Variants in NDRG3 observed in about 807,000 individuals in gnomAD.
NDRG3 encodes protein NDRG3.
NDRG3 carries 23 observed loss-of-function variants against 57.2 expected under a neutral mutation model. The ratio of observed to expected loss-of-function variants is 0.40; its 90% CI spans 0.29 to 0.57. The LOEUF (loss-of-function observed/expected upper bound fraction) is 0.57. NDRG3 is among the 20% of genes least tolerant of loss of function. NDRG3 has a pLI of 0.42. For missense variants in NDRG3, 384 were observed against 457.3 expected (o/e 0.84, Z 1.46); for synonymous variants, 132 against 162.6 (o/e 0.81, Z 1.43).
intron 3 of NDRG3, among the ~76,000 whole-genome samples, chr20:36,705,330 AAAAAAAGAAAAG>A (rs1317187723): frequency 6.6e-6 from 1 of 150,946 alleles, no homozygotes; most frequent in African/African-American, 2.4e-5. Context: ...TCAAAAAAAA[AAAAAAAGAAAAG>A]AAAAGAAAAG....
At chr20:36,744,033 T>C (rs377761352) in intron 1 of NDRG3, among the ~76,000 whole-genome samples, 12 of 149,876 alleles carry the variant, frequency 8.0e-5, no homozygotes, top group African/African-American at 2.9e-4. Flanking sequence ...CCCGAGTAGC[T>C]GGGACTACAG....
intron 1 of NDRG3, among the ~76,000 whole-genome samples, chr20:36,734,206 C>CAAA (rs572585665): frequency 0.014 from 1,847 of 128,224 alleles, 45 homozygotes; most frequent in African/African-American, 0.05. Context: ...GACTCCGTCT[C>CAAA]AAAAAAAAAA....
intron 3 of NDRG3, among the ~76,000 whole-genome samples, chr20:36,697,560 T>A (rs1007336332): frequency 6.6e-6 from 1 of 152,044 alleles, no homozygotes; most frequent in South Asian, 2.1e-4. Flanking sequence ...ATACAAAAAT[T>A]AGCCAGGCGT....
At position 36,736,802 on chromosome 20, in the gene NDRG3, C is replaced by A. The variant is rs188085872; in HGVS notation, c.-49+9243G>T. 8.5e-5 allele frequency among the ~76,000 whole-genome samples: 13 copies of A among 152,200 alleles called. No homozygotes were observed. In the East Asian group the frequency reaches 2.1e-3, roughly 25 times the overall value. ...AAAGGAAAGTCTGGGTACCTCTTCG[C>A]CAGAAGAAATTCTCTCAGAGATGCT... On this transcript the variant is annotated intron_variant, in intron 1 of 15. Coordinates refer to ENST00000349004, the MANE Select transcript of NDRG3 (RefSeq NM_032013.4).
chr20:36,729,186 C>T (rs745730664), intron 1 of NDRG3, among the ~76,000 whole-genome samples: 7 of 152,176 alleles, frequency 4.6e-5, no homozygotes, highest in Non-Finnish European at 1.0e-4. Flanking sequence ...TACATACCAA[C>T]GACTCAGACA....
At position 36,680,879 on chromosome 20, in the gene NDRG3, T is replaced by C; in HGVS notation, c.468A>G (p.Glu156=). The part of the protein sequence containing the change: ...RFALNHPELV[E]GLVLINVDPC... Reference sequence around the variant, plus strand: ...GGTCAACATTAATGAGCACAAGGCCTTCCACAAGCTCTGGATGGTTGAGCT... The same window carrying C: ...GGTCAACATTAATGAGCACAAGGCCCTCCACAAGCTCTGGATGGTTGAGCT... The change falls in exon 8 of 16, where the codon GAA becomes GAG. Residue 156 remains glutamate, a synonymous_variant. Coordinates refer to ENST00000349004, the MANE Select transcript of NDRG3 (RefSeq NM_032013.4). 6.2e-7 allele frequency: 1 copy of C among 1,614,040 alleles called. No homozygotes were observed. The highest frequency in any genetic ancestry group is 8.5e-7 in the Non-Finnish European group (1 of 1,179,930).
chr20:36,665,970 C>G (rs1005183822), intron 10 of NDRG3, among the ~76,000 whole-genome samples: 2 of 152,082 alleles, frequency 1.3e-5, no homozygotes, highest in East Asian at 3.9e-4. Context: ...GGGGTGTTTT[C>G]CTTGTAACTG....
intron 4 of NDRG3, 43 bp from the exon 5 acceptor site, chr20:36,687,655 C>T (rs775321865): frequency 8.8e-6 from 14 of 1,588,694 alleles, no homozygotes; most frequent in Admixed American, 1.7e-5. Flanking sequence ...CTCTCCATAT[C>T]GCCCCAATTT....
intron 3 of NDRG3, among the ~76,000 whole-genome samples, chr20:36,689,909 A>T (rs924762924): frequency 6.6e-6 from 1 of 151,630 alleles, no homozygotes; most frequent in Non-Finnish European, 1.5e-5. Context: ...TTTAGTAGAG[A>T]CGGGGTTTCA....
chr20:36,674,595 CTTTT>C (rs561643631), intron 8 of NDRG3, among the ~76,000 whole-genome samples: 4 of 116,810 alleles, frequency 3.4e-5, no homozygotes, highest in African/African-American at 6.5e-5. Context: ...ATCAATAAAG[CTTTT>C]TTTTTTTTTT....
At chr20:36,716,051 T>C (rs1294508910) in intron 2 of NDRG3, among the ~76,000 whole-genome samples, 1 of 152,014 alleles carries the variant, frequency 6.6e-6, no homozygotes, top group East Asian at 1.9e-4. Flanking sequence ...GCCATGATTG[T>C]GCCACTGGAC....
intron 3 of NDRG3, among the ~76,000 whole-genome samples, chr20:36,692,548 G>A (rs567099464): frequency 2.0e-5 from 3 of 152,118 alleles, no homozygotes; most frequent in Non-Finnish European, 4.4e-5. Flanking sequence ...CTGTTGGTAA[G>A]GCATATAAAC....
At position 36,652,420 on chromosome 20, in the gene NDRG3, A is replaced by AG. The variant is rs1315442284; in HGVS notation, c.*1099_*1100insC. The stretch of plus-strand genomic sequence containing the variant: ...AGCGAGACTCTGTCTCAAAAAAAAA[A>AG]AAAGACTCTGAGAAATGGGTTCTGT... On this transcript the variant is annotated 3_prime_UTR_variant, in exon 16 of 16. Transcript: ENST00000349004. 1 of 152,118 alleles carries AG rather than the reference A, an allele frequency of 6.6e-6. No individual in the cohort carries two copies. Among genetic ancestry groups the AG allele is most frequent in the East Asian group, 1.9e-4 (1 of 5,194 alleles). 9.4% of individuals were successfully genotyped at this position (152,118 alleles called of 1,614,324 possible). A position where few individuals can be genotyped will look rare whatever the true frequency, so the allele number is the denominator to read the frequency against.
chr20:36,689,613 T>C (rs1400064102), intron 3 of NDRG3, among the ~76,000 whole-genome samples: 2 of 152,166 alleles, frequency 1.3e-5, no homozygotes, highest in Non-Finnish European at 2.9e-5. Flanking sequence ...GGGGTGGATC[T>C]TGGCTACCAT....
intron 2 of NDRG3, among the ~76,000 whole-genome samples, chr20:36,711,406 A>G (rs1232292132): frequency 6.6e-6 from 1 of 152,220 alleles, no homozygotes; most frequent in Non-Finnish European, 1.5e-5. Flanking sequence ...ATCTAACAGA[A>G]TTCCCAAAGG....
intron 8 of NDRG3, among the ~76,000 whole-genome samples, chr20:36,679,466 G>C (rs1374663671): frequency 6.6e-6 from 1 of 151,474 alleles, no homozygotes; most frequent in Non-Finnish European, 1.5e-5. Flanking sequence ...CACACAATAG[G>C]TTACTAAAGA....
chr20:36,679,540 G>A (rs576097789), intron 8 of NDRG3, among the ~76,000 whole-genome samples: 27 of 144,588 alleles, frequency 1.9e-4, no homozygotes, highest in African/African-American at 6.7e-4. Flanking sequence ...TTTCACTCTT[G>A]TCACCCAGGC....
chr20:36,727,173 C>T (rs1020713356), intron 1 of NDRG3, among the ~76,000 whole-genome samples: 1 of 152,184 alleles, frequency 6.6e-6, no homozygotes, highest in Non-Finnish European at 1.5e-5. Flanking sequence ...GCTTCAGTCT[C>T]CCAAAGTGCT....
rs1345067579 is a variant in NDRG3 at position 36,688,796 on chromosome 20, G to A, written c.94-12C>T. On this transcript the variant is annotated splice_polypyrimidine_tract_variant and intron_variant, in intron 3 of 15. Transcript: ENST00000349004. Reference sequence around the variant, plus strand: ...TCTATATCATGTTCCTGTAACAAGAGAATGTAAGTTCTCAGAAAAAGCAGA... The same window carrying A: ...TCTATATCATGTTCCTGTAACAAGAAAATGTAAGTTCTCAGAAAAAGCAGA... The A allele has an allele frequency of 1.3e-6, 2 of 1,594,844 alleles. No homozygotes were observed. The highest frequency in any genetic ancestry group is 1.7e-6 in the Non-Finnish European group (2 of 1,162,686).
Sources: allele counts gnomAD v4.1 joint callset (sites outside exome capture counted in the v4.1 genomes callset), GRCh38; gene constraint gnomAD v4.1.1; transcripts MANE v1.5; gene names NCBI Gene and HGNC (gene_info 2026-07-23, HGNC 2026-07-21).